Variants in EIPR1 observed in about 807,000 individuals in gnomAD.
EIPR1 encodes the protein EARP complex and GARP complex interacting protein 1.
EIPR1 carries 25 observed loss-of-function variants against 48.1 expected under a neutral mutation model. That is an observed-to-expected ratio of 0.52 (90% CI 0.38 to 0.73). The LOEUF is 0.73. EIPR1 is among the 30% of genes least tolerant of loss of function. The pLI is 0.00. For missense variants in EIPR1, 415 were observed against 506.2 expected (o/e 0.82, Z 1.73); for synonymous variants, 204 against 201.9 (o/e 1.01, Z -0.09).
chr2:3,270,707 A>G (rs1424496772), intron 3 of EIPR1, among the ~76,000 whole-genome samples: 2 of 152,238 alleles, frequency 1.3e-5, no homozygotes, highest in Admixed American at 1.3e-4. Flanking sequence ...CAATCACCTG[A>G]GCCTTCAGGG....
chr2:3,263,874 A>T (rs1212436999), intron 3 of EIPR1, among the ~76,000 whole-genome samples: 1 of 152,264 alleles, frequency 6.6e-6, no homozygotes, highest in Admixed American at 6.5e-5. Context: ...GCATATATTT[A>T]TAGTAATGTT....
chr2:3,296,719 T>G (rs1468230725), intron 3 of EIPR1, among the ~76,000 whole-genome samples: 1 of 126,686 alleles, frequency 7.9e-6, no homozygotes, highest in Non-Finnish European at 1.7e-5. Flanking sequence ...ATCCAGCCCA[T>G]CCTCCCTACA....
At chr2:3,296,788 A>C (rs551324018) in intron 3 of EIPR1, among the ~76,000 whole-genome samples, 5 of 152,214 alleles carry the variant, frequency 3.3e-5, no homozygotes, top group African/African-American at 1.2e-4. Context: ...CCCTCTCTGC[A>C]CACACACTGT....
At chr2:3,313,855 G>A (rs888554111) in intron 3 of EIPR1, among the ~76,000 whole-genome samples, 16 of 152,302 alleles carry the variant, frequency 1.1e-4, no homozygotes, top group Admixed American at 2.0e-4. Context: ...CAGGGAGGGC[G>A]AGGAAGGCAG....
intron 3 of EIPR1, among the ~76,000 whole-genome samples, chr2:3,310,878 T>C (rs957963492): frequency 6.6e-6 from 1 of 152,116 alleles, no homozygotes. Context: ...CAATCAATTT[T>C]TTTTTCAAAT....
chr2:3,296,093 G>A (rs1444659152), intron 3 of EIPR1, among the ~76,000 whole-genome samples: 3 of 77,930 alleles, frequency 3.8e-5, no homozygotes, highest in Middle Eastern at 0.011. Flanking sequence ...CCTCCATCCA[G>A]CCCATCCTCT....
chr2:3,274,233 G>T, intron 3 of EIPR1: 1 of 1,487,446 alleles, frequency 6.7e-7, no homozygotes, highest in South Asian at 1.3e-5. Context: ...CAAATTATCA[G>T]ACTCAGGAGC....
intron 4 of EIPR1, among the ~76,000 whole-genome samples, chr2:3,217,575 T>A (rs572925806): frequency 1.3e-5 from 2 of 152,268 alleles, no homozygotes; most frequent in South Asian, 4.2e-4. Context: ...TTTAAAAAAA[T>A]TGAGTTAAAC....
chr2:3,198,566 GTTC>G (rs1664890610), intron 5 of EIPR1, among the ~76,000 whole-genome samples: 1 of 152,158 alleles, frequency 6.6e-6, no homozygotes, highest in African/African-American at 2.4e-5. Context: ...TTCAACGTAG[GTTC>G]TTTTCTATTT....
intron 4 of EIPR1, among the ~76,000 whole-genome samples, chr2:3,232,011 C>T (rs1221035823): frequency 1.3e-5 from 2 of 152,192 alleles, no homozygotes; most frequent in African/African-American, 2.4e-5. Flanking sequence ...TTAATCTCTA[C>T]TCATTGTTGA....
At chr2:3,305,350 C>A (rs35343208) in intron 3 of EIPR1, among the ~76,000 whole-genome samples, 43,484 of 126,488 alleles carry the variant, frequency 0.34, 7,657 homozygotes, top group African/African-American at 0.36. Flanking sequence ...ACTTCCATCC[C>A]GTTCAGCCCT....
At chr2:3,326,681 A>G (rs774151676) in intron 3 of EIPR1, among the ~76,000 whole-genome samples, 21 of 152,200 alleles carry the variant, frequency 1.4e-4, no homozygotes, top group Non-Finnish European at 2.8e-4. Context: ...CACTTCCAGG[A>G]CACTGCAGTA....
intron 2 of EIPR1, among the ~76,000 whole-genome samples, chr2:3,338,652 G>A (rs944466411): frequency 3.3e-5 from 5 of 152,216 alleles, no homozygotes; most frequent in Non-Finnish European, 5.9e-5. Context: ...CATGATTAAG[G>A]TGGGAGAGAG....
At chr2:3,346,685 GA>G (rs1386632961) in intron 2 of EIPR1, among the ~76,000 whole-genome samples, 1 of 152,148 alleles carries the variant, frequency 6.6e-6, no homozygotes, top group Non-Finnish European at 1.5e-5. Flanking sequence ...CAAGACTAGA[GA>G]AAAGGCATCA....
At chr2:3,347,708 CAATT>C (rs929678340) in intron 2 of EIPR1, among the ~76,000 whole-genome samples, 7 of 152,190 alleles carry the variant, frequency 4.6e-5, no homozygotes, top group South Asian at 4.1e-4. Flanking sequence ...TGGAAAAAAA[CAATT>C]AAAGAATTTC....
intron 4 of EIPR1, among the ~76,000 whole-genome samples, chr2:3,225,322 TG>T (rs1035074506): frequency 1.3e-5 from 2 of 150,652 alleles, no homozygotes; most frequent in African/African-American, 4.9e-5. Flanking sequence ...CACAGCTCAC[TG>T]CAGCCTTGAC....
At chr2:3,214,438 T>C (rs1300986425) in intron 4 of EIPR1, 190 bp from the exon 5 acceptor site, 1 of 497,354 alleles carries the variant, frequency 2.0e-6, no homozygotes, top group Non-Finnish European at 3.6e-6. Flanking sequence ...ATGGACTGAA[T>C]TGTGCCCCCC....
At chr2:3,366,695 A>G (rs1358375980) in intron 1 of EIPR1, among the ~76,000 whole-genome samples, 2 of 152,222 alleles carry the variant, frequency 1.3e-5, no homozygotes, top group African/African-American at 2.4e-5. Flanking sequence ...AGACCAACAT[A>G]GAGGGTAATT....
chr2:3,295,431 G>A (rs1256989170), intron 3 of EIPR1, among the ~76,000 whole-genome samples: 198 of 16,718 alleles, frequency 0.012, no homozygotes, highest in African/African-American at 0.033. Context: ...CATCCTCTCT[G>A]CACACACACA....
Sources: allele counts gnomAD v4.1 joint callset (sites outside exome capture counted in the v4.1 genomes callset), GRCh38; gene constraint gnomAD v4.1.1; transcripts MANE v1.5; gene names NCBI Gene and HGNC (gene_info 2026-07-23, HGNC 2026-07-21).